Variants in DDX4 observed in about 807,000 individuals in gnomAD.
DDX4 encodes the protein probable ATP-dependent RNA helicase DDX4.
Under a neutral mutation model 100.0 loss-of-function variants are expected in DDX4, and 25 were observed. The observed-to-expected ratio is 0.25, with a 90% CI of 0.18 to 0.35. The LOEUF is 0.35. Among genes scored for constraint, DDX4 ranks in the 10% least tolerant of loss-of-function variants. The pLI is 1.00. For synonymous variants in DDX4, 259 were observed against 275.7 expected (o/e 0.94, Z 0.60); for missense variants, 635 against 882.4 (o/e 0.72, Z 3.55).
intron 3 of DDX4, among the ~76,000 whole-genome samples, chr5:55,758,404 T>A (rs1244925913): frequency 6.6e-6 from 1 of 152,144 alleles, no homozygotes; most frequent in Non-Finnish European, 1.5e-5. Context: ...CAAGGTTATG[T>A]TGGTCTGTAG....
intron 3 of DDX4, among the ~76,000 whole-genome samples, chr5:55,759,121 C>T (rs1023188641): frequency 2.0e-5 from 3 of 151,828 alleles, no homozygotes; most frequent in African/African-American, 7.3e-5. Context: ...AAATTTCTGA[C>T]CTCAAGCATC....
intron 10 of DDX4, among the ~76,000 whole-genome samples, chr5:55,783,678 A>ATGG (rs1561500781): frequency 2.0e-4 from 17 of 85,060 alleles, no homozygotes; most frequent in East Asian, 5.4e-4. Context: ...TGGATGGATG[A>ATGG]ATGGATGGAT....
At chr5:55,771,084 G>T (rs1047433063) in intron 7 of DDX4, among the ~76,000 whole-genome samples, 2 of 152,132 alleles carry the variant, frequency 1.3e-5, no homozygotes, top group Non-Finnish European at 2.9e-5. Context: ...TACATTTGAG[G>T]ATAGGAAGTT....
chr5:55,785,670 CTCTTA>C (rs1401046742), intron 12 of DDX4, 54 bp from the exon 13 acceptor site: 1 of 1,480,224 alleles, frequency 6.8e-7, no homozygotes, highest in East Asian at 2.3e-5. Flanking sequence ...TGTCTATTTT[CTCTTA>C]TATTTTCTTG....
chr5:55,777,117 T>C (rs2111941044), intron 7 of DDX4, among the ~76,000 whole-genome samples: 1 of 152,302 alleles, frequency 6.6e-6, no homozygotes, highest in East Asian at 1.9e-4. Context: ...TTGAAAATAG[T>C]TTATTTCCTA....
chr5:55,796,838 T>C (rs1241045146), intron 17 of DDX4, among the ~76,000 whole-genome samples: 5 of 67,728 alleles, frequency 7.4e-5, no homozygotes, highest in African/African-American at 1.7e-4. Context: ...TTTTTTTTTT[T>C]TTTTTTTTTT....
chr5:55,749,371 A>G (rs1223648005), intron 3 of DDX4, among the ~76,000 whole-genome samples: 2 of 152,184 alleles, frequency 1.3e-5, no homozygotes, highest in African/African-American at 4.8e-5. Context: ...TTTTGAGGTT[A>G]CAGTGAGCAT....
At chr5:55,807,818 G>A (rs1223131821) in intron 18 of DDX4, among the ~76,000 whole-genome samples, 1 of 152,048 alleles carries the variant, frequency 6.6e-6, no homozygotes, top group Non-Finnish European at 1.5e-5. Context: ...TGCTCTTCTC[G>A]AGGAGTATCT....
At chr5:55,779,313 T>C (rs563587639) in intron 7 of DDX4, among the ~76,000 whole-genome samples, 1 of 152,340 alleles carries the variant, frequency 6.6e-6, no homozygotes, top group South Asian at 2.1e-4. Flanking sequence ...AGAAATAGCA[T>C]ATATAGAATT....
intron 2 of DDX4, among the ~76,000 whole-genome samples, chr5:55,742,574 G>C (rs552832794): frequency 1.1e-4 from 17 of 152,188 alleles, no homozygotes; most frequent in Admixed American, 2.6e-4. Context: ...AAATGCAAAA[G>C]GATTATTTGT....
intron 7 of DDX4, among the ~76,000 whole-genome samples, chr5:55,772,923 C>G (rs983705692): frequency 1.3e-5 from 2 of 152,130 alleles, no homozygotes; most frequent in African/African-American, 4.8e-5. Flanking sequence ...AATGAAAAAC[C>G]TCAAGATTGC....
At chr5:55,770,637 TC>T (rs1256043917) in intron 7 of DDX4, among the ~76,000 whole-genome samples, 24 of 152,288 alleles carry the variant, frequency 1.6e-4, no homozygotes, top group Middle Eastern at 3.4e-3. Flanking sequence ...GACATTCTTT[TC>T]CTTTGCCCAT....
chr5:55,800,036 A>C (rs1743199481), intron 18 of DDX4, among the ~76,000 whole-genome samples: 1 of 152,244 alleles, frequency 6.6e-6, no homozygotes, highest in African/African-American at 2.4e-5. Context: ...GAGAAATTTT[A>C]TTGGTTGGCT....
intron 3 of DDX4, among the ~76,000 whole-genome samples, chr5:55,755,372 G>T (rs1759859028): frequency 6.6e-6 from 1 of 152,000 alleles, no homozygotes; most frequent in African/African-American, 2.4e-5. Flanking sequence ...GTTCAGGAAT[G>T]GCAGTTGAAT....
chr5:55,786,249 A>G (rs746564385), intron 13 of DDX4, among the ~76,000 whole-genome samples: 2 of 152,188 alleles, frequency 1.3e-5, no homozygotes, highest in Non-Finnish European at 2.9e-5. Context: ...ATTACTGAGC[A>G]GAATTCTTCA....
intron 2 of DDX4, among the ~76,000 whole-genome samples, chr5:55,743,805 TG>T (rs1230970095): frequency 6.6e-6 from 1 of 152,180 alleles, no homozygotes; most frequent in Non-Finnish European, 1.5e-5. Flanking sequence ...TCTTGGAATT[TG>T]TAAGTTGGAT....
At chr5:55,790,069 A>G (rs562169260) in intron 15 of DDX4, among the ~76,000 whole-genome samples, 2 of 151,268 alleles carry the variant, frequency 1.3e-5, no homozygotes, top group Non-Finnish European at 2.9e-5. Context: ...TAACTTATCC[A>G]TGTAACGAAA....
chr5:55,781,892 G>A (rs1404259467), intron 9 of DDX4, 42 bp from the exon 10 acceptor site: 1 of 1,607,036 alleles, frequency 6.2e-7, no homozygotes, highest in Non-Finnish European at 8.5e-7. Context: ...TTGAGCAGCA[G>A]CTGTGTTTTA....
At chr5:55,795,257 A>G (rs1446087635) in intron 17 of DDX4, among the ~76,000 whole-genome samples, 1 of 152,052 alleles carries the variant, frequency 6.6e-6, no homozygotes, top group East Asian at 1.9e-4. Context: ...GAGCCACCGC[A>G]CCCGGCCCAG....
Sources: gnomAD v4.1 joint callset for allele counts (sites outside exome capture counted in the v4.1 genomes callset) on GRCh38, gnomAD v4.1.1 for gene constraint, MANE v1.5 for transcripts, NCBI Gene and HGNC (gene_info 2026-07-23, HGNC 2026-07-21) for gene names.